The following NRXN3 variants were observed in gnomAD, a reference collection of about 807,000 sequenced individuals.
The protein encoded by NRXN3 is neurexin III.
NRXN3 carries 32 observed loss-of-function variants against 137.6 expected under a neutral mutation model. The observed-to-expected ratio is 0.23, with a 90% CI of 0.18 to 0.31. The LOEUF is 0.31. NRXN3 is among the 10% of genes least tolerant of loss of function. The pLI is 1.00. For synonymous variants in NRXN3, 798 were observed against 784.5 expected (o/e 1.02, Z -0.29); for missense variants, 1,574 against 2,062.5 (o/e 0.76, Z 4.59).
chr14:78,429,248 T>A (rs2093783183), intron 4 of NRXN3, among the ~76,000 whole-genome samples: 1 of 137,032 alleles, frequency 7.3e-6, no homozygotes, highest in South Asian at 2.2e-4. Flanking sequence ...ATATATATTT[T>A]TTGTATATTT....
At chr14:79,767,750 A>C (rs1284160487) in intron 19 of NRXN3, among the ~76,000 whole-genome samples, 1 of 152,238 alleles carries the variant, frequency 6.6e-6, no homozygotes, top group East Asian at 1.9e-4. Context: ...AGTTAGAATT[A>C]GAAATCAGGG....
chr14:78,173,688 T>C (rs1211627602), intron 1 of NRXN3, among the ~76,000 whole-genome samples: 1 of 140,758 alleles, frequency 7.1e-6, no homozygotes, highest in Admixed American at 7.4e-5. Flanking sequence ...GCTCTGCGGC[T>C]CTTTTTTCCC....
In NRXN3 at chr14:79,864,106, A is replaced by T. The variant is rs1433450159; in HGVS notation, c.*2142A>T. ...CCTATACGAAGTTGATTATATCTCGATGTCTGTAAAAGATTGCTGTTCTTG... is the reference window on the plus strand; with the variant it reads ...CCTATACGAAGTTGATTATATCTCGTTGTCTGTAAAAGATTGCTGTTCTTG... On this transcript the variant is annotated 3_prime_UTR_variant, in exon 21 of 21. Coordinates refer to ENST00000335750, the MANE Select transcript of NRXN3 (RefSeq NM_001330195.2). 6.6e-6 allele frequency: 1 copy of T among 152,628 alleles called. No homozygotes were observed. The highest frequency in any genetic ancestry group is 1.5e-5 in the Non-Finnish European group (1 of 68,030). 9.5% of individuals were successfully genotyped at this position (152,628 alleles called of 1,614,324 possible).
At chr14:78,399,935 G>A (rs1044470045) in intron 4 of NRXN3, among the ~76,000 whole-genome samples, 1 of 152,138 alleles carries the variant, frequency 6.6e-6, no homozygotes, top group Admixed American at 6.5e-5. Context: ...ACTAGAATTA[G>A]CTATGTAACT....
At chr14:79,635,151 A>G (rs2098393995) in intron 16 of NRXN3, among the ~76,000 whole-genome samples, 1 of 152,246 alleles carries the variant, frequency 6.6e-6, no homozygotes, top group Admixed American at 6.5e-5. Flanking sequence ...TCATTATACA[A>G]TATACACAGG....
At chr14:78,759,684 C>G (rs910558184) in intron 8 of NRXN3, among the ~76,000 whole-genome samples, 1 of 152,154 alleles carries the variant, frequency 6.6e-6, no homozygotes, top group Non-Finnish European at 1.5e-5. Flanking sequence ...TCCTATTTTC[C>G]ATTCAGCGAA....
intron 15 of NRXN3, among the ~76,000 whole-genome samples, chr14:79,361,194 C>G (rs1483147428): frequency 1.3e-5 from 2 of 152,132 alleles, no homozygotes; most frequent in Non-Finnish European, 2.9e-5. Context: ...CTCTTCACCT[C>G]TAAGATAAAC....
intron 14 of NRXN3, chr14:78,972,799 T>G (rs1439340760): frequency 6.6e-6 from 1 of 152,286 alleles, no homozygotes; most frequent in African/African-American, 2.4e-5. Context: ...GCGTTTTCAT[T>G]TCTGTAATGT....
intron 16 of NRXN3, among the ~76,000 whole-genome samples, chr14:79,617,683 C>T (rs532301521): frequency 6.6e-6 from 1 of 152,008 alleles, no homozygotes; most frequent in East Asian, 1.9e-4. Context: ...GAGAATGTGA[C>T]TAAAACCAGT....
At chr14:78,428,778 C>T (rs545603026) in intron 4 of NRXN3, among the ~76,000 whole-genome samples, 3 of 152,216 alleles carry the variant, frequency 2.0e-5, no homozygotes, top group Admixed American at 6.5e-5. Context: ...TGTCTTACTG[C>T]GGGAGGTCAG....
chr14:79,499,612 A>T (rs529444471), intron 16 of NRXN3, among the ~76,000 whole-genome samples: 1 of 152,336 alleles, frequency 6.6e-6, no homozygotes, highest in East Asian at 1.9e-4. Flanking sequence ...TATCCAAAAC[A>T]GTGCCTGGCT....
At chr14:79,439,596 A>G (rs1173937012) in intron 15 of NRXN3, among the ~76,000 whole-genome samples, 4 of 152,218 alleles carry the variant, frequency 2.6e-5, no homozygotes, top group Admixed American at 6.5e-5. Context: ...CCTGCCAGGT[A>G]TCATTTGCTC....
chr14:78,641,154 G>A (rs1486340858), intron 4 of NRXN3, among the ~76,000 whole-genome samples: 2 of 152,184 alleles, frequency 1.3e-5, no homozygotes, highest in African/African-American at 4.8e-5. Flanking sequence ...AGAAATGCAT[G>A]TTTGTCACTA....
At chr14:79,805,789 AAC>A (rs940242013) in intron 20 of NRXN3, among the ~76,000 whole-genome samples, 3 of 152,176 alleles carry the variant, frequency 2.0e-5, no homozygotes, top group Non-Finnish European at 4.4e-5. Context: ...CAATATAGTA[AAC>A]ACAAAATTAG....
At chr14:79,290,028 C>T (rs2082912641) in intron 15 of NRXN3, among the ~76,000 whole-genome samples, 1 of 152,088 alleles carries the variant, frequency 6.6e-6, no homozygotes, top group South Asian at 2.1e-4. Context: ...CTCTCACCCC[C>T]CCACGTTAAA....
At chr14:78,378,283 G>A (rs1009006740) in intron 4 of NRXN3, among the ~76,000 whole-genome samples, 1 of 152,112 alleles carries the variant, frequency 6.6e-6, no homozygotes, top group Admixed American at 6.6e-5. Context: ...TCAGGAGTTC[G>A]AGACCAGCCT....
chr14:79,665,244 C>T (rs1170417953), intron 17 of NRXN3, among the ~76,000 whole-genome samples: 7 of 152,108 alleles, frequency 4.6e-5, no homozygotes, highest in African/African-American at 1.4e-4. Context: ...GCAAGACCCC[C>T]AAGGTATTGA....
chr14:79,421,415 A>C (rs1001604390), intron 15 of NRXN3, among the ~76,000 whole-genome samples: 4 of 152,192 alleles, frequency 2.6e-5, no homozygotes, highest in African/African-American at 9.7e-5. Context: ...AGGCTCAGAC[A>C]TTTCCTATTT....
At chr14:78,265,983 T>C (rs1479454538) in intron 2 of NRXN3, among the ~76,000 whole-genome samples, 5 of 152,172 alleles carry the variant, frequency 3.3e-5, no homozygotes, top group African/African-American at 1.2e-4. Context: ...CCCTGGGACA[T>C]AGATAATGTG....
Sources: allele counts gnomAD v4.1 joint callset (sites outside exome capture counted in the v4.1 genomes callset), GRCh38; gene constraint gnomAD v4.1.1; transcripts MANE v1.5; gene names NCBI Gene and HGNC (gene_info 2026-07-23, HGNC 2026-07-21).